Variants in LEF1 observed in about 807,000 individuals in gnomAD.
The protein encoded by LEF1 is lymphoid enhancer-binding factor 1.
In LEF1, 14 loss-of-function variants were observed where a neutral mutation model predicts 51.2. That is an observed-to-expected ratio of 0.27 (90% CI 0.18 to 0.43). The LOEUF (loss-of-function observed/expected upper bound fraction) is 0.43. Ranked by LOEUF, LEF1 falls within the 20% of genes least tolerant of loss-of-function variation. The pLI, the probability that LEF1 is intolerant of heterozygous loss-of-function variation, is 1.00. For missense variants in LEF1, 386 were observed against 512.0 expected, an observed-to-expected ratio of 0.75 and a Z score of 2.37; for synonymous variants, 185 against 183.2, an observed-to-expected ratio of 1.01 and a Z score of -0.08.
chr4:108,157,170 A>C (rs58318101), intron 3 of LEF1, among the ~76,000 whole-genome samples: 4,893 of 96,598 alleles, frequency 0.051, 199 homozygotes, highest in African/African-American at 0.13. Context: ...CTCTCTCTCT[A>C]TATATATATA....
At chr4:108,143,438 CA>C (rs1460975100) in intron 3 of LEF1, among the ~76,000 whole-genome samples, 1 of 152,134 alleles carries the variant, frequency 6.6e-6, no homozygotes. Context: ...CCAGTGTTAT[CA>C]AATATTTTTC....
At chr4:108,166,517 C>A in intron 1 of LEF1, 1 of 1,331,516 alleles carries the variant, frequency 7.5e-7, no homozygotes, top group Non-Finnish European at 9.6e-7. Flanking sequence ...ACAAGGGTGA[C>A]CAGTGGAGTG....
At chr4:108,166,980 C>A (rs992493413) in intron 1 of LEF1, among the ~76,000 whole-genome samples, 1 of 152,042 alleles carries the variant, frequency 6.6e-6, no homozygotes, top group African/African-American at 2.4e-5. Flanking sequence ...CGCGCCCCAT[C>A]GGCCGGCCTG....
chr4:108,157,179 T>TATATACACACACAC (rs780217431), intron 3 of LEF1, among the ~76,000 whole-genome samples: 13 of 116,790 alleles, frequency 1.1e-4, no homozygotes, highest in African/African-American at 2.9e-4. Context: ...TATATATATA[T>TATATACACACACAC]ACACACACAC....
chr4:108,081,408 A>T (rs1249384223), intron 6 of LEF1, among the ~76,000 whole-genome samples, 178 bp downstream of exon 6: 1 of 152,006 alleles, frequency 6.6e-6, no homozygotes, highest in African/African-American at 2.4e-5. Flanking sequence ...CACAGCGCAG[A>T]GCTCCTACCC....
chr4:108,150,232 G>A (rs189007353), intron 3 of LEF1, among the ~76,000 whole-genome samples: 41 of 152,314 alleles, frequency 2.7e-4, no homozygotes, highest in African/African-American at 9.1e-4. Flanking sequence ...ACTTTTGCCT[G>A]TAAATGCTCA....
At position 108,115,251 on chromosome 4, in the gene LEF1, T is replaced by C. The variant is rs1435172800; in HGVS notation, c.415-25994A>G. Among the ~76,000 whole-genome samples the C allele has an allele frequency of 2.0e-5, 3 of 152,144 alleles. No homozygotes were observed. The East Asian group carries it at 5.8e-4, about 29-fold the overall frequency. On this transcript the variant is annotated intron_variant, in intron 3 of 11. Transcript: ENST00000265165. ...ATCAATAGACACAACTGAATGAATA[T>C]GAGGGCAAGAACAGTAGTAGTAAGT...
chr4:108,162,742 A>C (rs1399082128), intron 3 of LEF1, among the ~76,000 whole-genome samples: 3 of 152,178 alleles, frequency 2.0e-5, no homozygotes, highest in Non-Finnish European at 4.4e-5. Flanking sequence ...TTGATGGGTC[A>C]GTAAAAAGTC....
At chr4:108,076,281 TA>T (rs1738854751) in intron 8 of LEF1, among the ~76,000 whole-genome samples, 1 of 152,254 alleles carries the variant, frequency 6.6e-6, no homozygotes, top group African/African-American at 2.4e-5. Flanking sequence ...TATTCTGTCA[TA>T]AAACTTGAAG....
intron 8 of LEF1, among the ~76,000 whole-genome samples, chr4:108,076,311 C>T (rs7664819): frequency 0.87 from 132,839 of 152,238 alleles, 58,489 homozygotes; most frequent in East Asian, 0.97. Context: ...AGGGGCTGTA[C>T]CTATTTTGGC....
intron 4 of LEF1, 42 bp downstream of exon 4, chr4:108,089,083 A>C (rs750954496): frequency 6.2e-7 from 1 of 1,611,162 alleles, no homozygotes. Flanking sequence ...TTGGCTCTTC[A>C]TTTGGCAAAA....
At chr4:108,099,398 T>C (rs938672140) in intron 3 of LEF1, among the ~76,000 whole-genome samples, 3 of 150,990 alleles carry the variant, frequency 2.0e-5, no homozygotes, top group East Asian at 1.9e-4. Flanking sequence ...AGAACTCTTA[T>C]GGGTAAAAAA....
At position 108,089,193 on chromosome 4, in the gene LEF1, T is replaced by A; in HGVS notation, c.479A>T (p.Tyr160Phe). 1.9e-6 allele frequency: 3 copies of A among 1,613,866 alleles called. No homozygotes were observed. The highest frequency in any genetic ancestry group is 2.5e-6 in the Non-Finnish European group (3 of 1,179,784). ...AVHPLTPLITYSDEHFSPGSH... is the reference protein window; with the variant it reads ...AVHPLTPLITFSDEHFSPGSH... ...TCCTGGAGAAAAGTGCTCGTCACTG[T>A]AAGTGATGAGGGGGGTGAGAGGATG... is the stretch of plus-strand genomic sequence containing the variant. Residue 160 changes from tyrosine (Y) to phenylalanine (F), a missense_variant, in exon 4 of 12, where the codon TAC becomes TTC. Tyr to Phe is a conservative substitution (Grantham distance 22). Around this residue, in one of 2 missense-constraint regions of LEF1, gnomAD observed 335 missense variants for 390.7 expected, o/e 0.86. Coordinates refer to ENST00000265165, the MANE Select transcript of LEF1 (RefSeq NM_016269.5).
In LEF1 at chr4:108,047,780, T is replaced by G. The variant is rs1317468911; in HGVS notation, c.*978A>C. On this transcript the variant is annotated 3_prime_UTR_variant, in exon 12 of 12. Coordinates refer to ENST00000265165, the MANE Select transcript of LEF1 (RefSeq NM_016269.5). ...ACATTTAAAGTAATAACAATTCAAG[T>G]GCTGGGCTTTTTACAACAAGGGGGT... 7.9e-5 allele frequency: 12 copies of G among 152,564 alleles called. No homozygotes were observed. Among genetic ancestry groups the G allele is most frequent in the Non-Finnish European group, 1.5e-4 (10 of 68,018 alleles). The allele number at this position is 152,564 out of a possible 1,614,324, so 9.5% of individuals were successfully genotyped here. A position where few individuals can be genotyped will look rare whatever the true frequency, so the allele number is the denominator to read the frequency against.
intron 3 of LEF1, among the ~76,000 whole-genome samples, chr4:108,109,428 C>T (rs1027079964): frequency 6.6e-6 from 1 of 152,306 alleles, no homozygotes; most frequent in Non-Finnish European, 1.5e-5. Flanking sequence ...TTGAATATCA[C>T]TTCTGTCACT....
At chr4:108,158,814 C>T (rs923190327) in intron 3 of LEF1, among the ~76,000 whole-genome samples, 1 of 151,942 alleles carries the variant, frequency 6.6e-6, no homozygotes, top group Admixed American at 6.6e-5. Context: ...ATTTGTGAGA[C>T]CCTACCTCTG....
chr4:108,121,962 C>G (rs1435169667), intron 3 of LEF1, among the ~76,000 whole-genome samples: 1 of 152,206 alleles, frequency 6.6e-6, no homozygotes, highest in East Asian at 1.9e-4. Context: ...CTAGTTGTTT[C>G]CTTCTAAATT....
chr4:108,119,440 C>T (rs560820373), intron 3 of LEF1, among the ~76,000 whole-genome samples: 9 of 151,748 alleles, frequency 5.9e-5, no homozygotes, highest in Admixed American at 2.6e-4. Context: ...CATATTGAAC[C>T]TAATAATAGA....
At chr4:108,113,923 T>G (rs1487105207) in intron 3 of LEF1, among the ~76,000 whole-genome samples, 2 of 152,172 alleles carry the variant, frequency 1.3e-5, no homozygotes, top group Non-Finnish European at 2.9e-5. Context: ...TTCTAGACCC[T>G]AAACTCATTT....
Sources: allele counts gnomAD v4.1 joint callset (sites outside exome capture counted in the v4.1 genomes callset), GRCh38; gene constraint gnomAD v4.1.1; regional missense constraint gnomAD v4.1.1; transcripts MANE v1.5; gene names NCBI Gene and HGNC (gene_info 2026-07-23, HGNC 2026-07-21).